Variants in FGD4 observed in about 807,000 individuals in gnomAD.
FGD4 encodes FYVE, RhoGEF and PH domain-containing protein 4.
Under a neutral mutation model 102.0 loss-of-function variants are expected in FGD4, and 42 were observed. That is an observed-to-expected ratio of 0.41 (90% CI 0.32 to 0.53). The LOEUF (loss-of-function observed/expected upper bound fraction) is 0.53, where lower values mean the gene tolerates loss of function less well. FGD4 is among the 20% of genes least tolerant of loss of function. The pLI is 0.21. For synonymous variants in FGD4, 380 were observed against 375.7 expected (o/e 1.01, Z -0.13); for missense variants, 902 against 1,078.2 (o/e 0.84, Z 2.29).
At chr12:32,534,299 A>G in intron 1 of FGD4, 1 of 1,326,048 alleles carries the variant, frequency 7.5e-7, no homozygotes, top group Non-Finnish European at 9.7e-7. Flanking sequence ...TTGGGCAGTA[A>G]GTTCGAAGAA....
chr12:32,625,866 T>C, intron 14 of FGD4, 87 bp downstream of exon 14: 1 of 1,558,606 alleles, frequency 6.4e-7, no homozygotes, highest in South Asian at 1.1e-5. Flanking sequence ...AAAAAATGAC[T>C]TTCAACAAAT....
chr12:32,501,075 G>C lies in FGD4; in HGVS notation c.167-63062G>C, dbSNP rs58982404. 4.0e-3 allele frequency among the ~76,000 whole-genome samples: 610 copies of C among 152,306 alleles called. 4 individuals carry two copies. The highest frequency in any genetic ancestry group is 0.014 in the African/African-American group (588 of 41,566). On this transcript the variant is annotated intron_variant, in intron 1 of 16. Coordinates refer to ENST00000534526, the MANE Select transcript of FGD4 (RefSeq NM_001370298.3). ...ACAAAAATGTCAGACTCTGCCTAGA[G>C]AGCTCAGGGAAGTCAGCCCAGGCTG...
chr12:32,582,861 T>C (rs1240058994), intron 4 of FGD4: 1 of 191,844 alleles, frequency 5.2e-6, no homozygotes, highest in Non-Finnish European at 1.1e-5. Context: ...AAGTTTCTAA[T>C]AGAATAAATA....
chr12:32,563,046 A>AC (rs1369261860), intron 1 of FGD4, among the ~76,000 whole-genome samples: 1 of 139,116 alleles, frequency 7.2e-6, no homozygotes, highest in African/African-American at 2.8e-5. Flanking sequence ...CGGGGGGCTG[A>AC]CACCCCCACC....
At chr12:32,527,649 C>T (rs770346140) in intron 1 of FGD4, among the ~76,000 whole-genome samples, 12 of 152,018 alleles carry the variant, frequency 7.9e-5, no homozygotes, top group Non-Finnish European at 1.6e-4. Context: ...AGGATGGTCT[C>T]GATCTCCTGA....
At chr12:32,593,250 G>A (rs985911132) in intron 4 of FGD4, among the ~76,000 whole-genome samples, 1 of 152,146 alleles carries the variant, frequency 6.6e-6, no homozygotes, top group Non-Finnish European at 1.5e-5. Flanking sequence ...CAGTGAATAA[G>A]TGTTAGTTTT....
chr12:32,597,320 G>A (rs767591732), intron 4 of FGD4, among the ~76,000 whole-genome samples: 1 of 152,184 alleles, frequency 6.6e-6, no homozygotes, highest in African/African-American at 2.4e-5. Context: ...CTTAAAGGAT[G>A]AATGCTAAAG....
chr12:32,408,791 T>C (rs1179794504), intron 1 of FGD4, among the ~76,000 whole-genome samples: 1 of 152,214 alleles, frequency 6.6e-6, no homozygotes, highest in Non-Finnish European at 1.5e-5. Flanking sequence ...CTTCTTAATT[T>C]TTCTGTGACA....
intron 1 of FGD4, among the ~76,000 whole-genome samples, chr12:32,433,004 T>A (rs1236211470): frequency 6.6e-6 from 1 of 152,156 alleles, no homozygotes; most frequent in Non-Finnish European, 1.5e-5. Context: ...AGATTTTTTT[T>A]TTTTTATTTT....
chr12:32,413,529 G>A (rs1284990745), intron 1 of FGD4, among the ~76,000 whole-genome samples: 1 of 152,166 alleles, frequency 6.6e-6, no homozygotes, highest in Non-Finnish European at 1.5e-5. Context: ...TCTAAGAGAA[G>A]CGTTCAGAGG....
chr12:32,407,789 C>T (rs1941008069), intron 1 of FGD4, among the ~76,000 whole-genome samples: 1 of 152,042 alleles, frequency 6.6e-6, no homozygotes, highest in African/African-American at 2.4e-5. Flanking sequence ...TGAGCTCAAC[C>T]GACCTGTCAC....
intron 1 of FGD4, among the ~76,000 whole-genome samples, chr12:32,524,543 A>T (rs1940934239): frequency 6.6e-6 from 1 of 151,576 alleles, no homozygotes; most frequent in Non-Finnish European, 1.5e-5. Context: ...AAAACAGAAA[A>T]AAATATGTGG....
At chr12:32,454,731 A>C (rs2136482687) in intron 1 of FGD4, among the ~76,000 whole-genome samples, 1 of 152,306 alleles carries the variant, frequency 6.6e-6, no homozygotes, top group South Asian at 2.1e-4. Context: ...ATCATAAAGC[A>C]TGCTTTTGAC....
rs536586975 is a variant in FGD4 at position 32,460,972 on chromosome 12, G to T, written c.166+61013G>T. 2.0e-5 allele frequency among the ~76,000 whole-genome samples: 3 copies of T among 152,276 alleles called. No individual in the cohort carries two copies. The South Asian group carries it at 6.2e-4, about 32-fold the overall frequency. ...TGAAAATGCCATTAGCTGAGATAAA[G>T]AATACAAGTAACTGATATTCTCCAG... On this transcript the variant is annotated intron_variant, in intron 1 of 16. Coordinates refer to ENST00000534526, the MANE Select transcript of FGD4 (RefSeq NM_001370298.3).
chr12:32,434,000 CAT>C, intron 1 of FGD4, among the ~76,000 whole-genome samples: 1 of 152,046 alleles, frequency 6.6e-6, no homozygotes, highest in African/African-American at 2.4e-5. Context: ...GGACTACAGG[CAT>C]GCACCACCAC....
rs1002319266 is a variant in FGD4 at position 32,641,243 on chromosome 12, A to G, written c.*710A>G. On this transcript the variant is annotated 3_prime_UTR_variant, in exon 17 of 17. Coordinates refer to ENST00000534526, the MANE Select transcript of FGD4 (RefSeq NM_001370298.3). ...TAAAGCATGGTTTATCGTGGAATTG[A>G]GCAATGTTCTAAACTGAAGAAATGT... 1.3e-5 allele frequency: 2 copies of G among 152,142 alleles called. No homozygotes were observed. The highest frequency in any genetic ancestry group is 4.8e-5 in the African/African-American group (2 of 41,436). The allele number at this position is 152,142 out of a possible 1,614,324, so 9.4% of individuals were successfully genotyped here.
intron 1 of FGD4, among the ~76,000 whole-genome samples, chr12:32,535,148 G>A (rs1200368300): frequency 6.6e-6 from 1 of 152,198 alleles, no homozygotes; most frequent in Non-Finnish European, 1.5e-5. Context: ...TGATAGAAAT[G>A]TAATCATGTG....
chr12:32,629,374 A>T (rs936572271), intron 14 of FGD4, among the ~76,000 whole-genome samples: 14 of 152,220 alleles, frequency 9.2e-5, no homozygotes, highest in Non-Finnish European at 2.9e-5. Context: ...AAATAACAGC[A>T]GTTACCATTT....
rs1267043755 is a variant in FGD4, at chr12:32,561,070, G to GTTTTTTTTTTTTTTTTTTTTTTTTT, written c.167-3063_167-3062insTTTTTTTTTTTTTTTTTTTTTTTTT. 1.1e-4 allele frequency among the ~76,000 whole-genome samples: 10 copies of GTTTTTTTTTTTTTTTTTTTTTTTTT among 90,786 alleles called. 2 individuals are homozygous for GTTTTTTTTTTTTTTTTTTTTTTTTT. Among genetic ancestry groups the GTTTTTTTTTTTTTTTTTTTTTTTTT allele is most frequent in the African/African-American group, 1.7e-4 (4 of 24,012 alleles). 59.6% of individuals were successfully genotyped at this position (90,786 alleles called of 152,430 possible). A position where few individuals can be genotyped will look rare whatever the true frequency, so the allele number is the denominator to read the frequency against. On this transcript the variant is annotated intron_variant, in intron 1 of 16. Transcript: ENST00000534526. ...AGCAGAAATGTGGTTTCTTTGTTGG[G>GTTTTTTTTTTTTTTTTTTTTTTTTT]TTTTGTTTTTTTTTTTTTTTTTTTT...
Sources: allele counts gnomAD v4.1 joint callset (sites outside exome capture counted in the v4.1 genomes callset), GRCh38; gene constraint gnomAD v4.1.1; transcripts MANE v1.5; gene names NCBI Gene and HGNC (gene_info 2026-07-23, HGNC 2026-07-21).